The following SYNE2 variants were observed in gnomAD, a reference collection of about 807,000 sequenced individuals.
SYNE2 encodes the protein spectrin repeat containing nuclear envelope protein 2.
Under a neutral mutation model 856.3 loss-of-function variants are expected in SYNE2, and 431 were observed. The observed-to-expected ratio is 0.50, with a 90% confidence interval of 0.47 to 0.55. The LOEUF (loss-of-function observed/expected upper bound fraction) is 0.55, where lower values mean the gene tolerates loss of function less well. Ranked by LOEUF, SYNE2 falls within the 20% of genes least tolerant of loss-of-function variation. The pLI is 0.00. For synonymous variants in SYNE2, 2,923 were observed against 2,872.3 expected, an observed-to-expected ratio of 1.02 and a Z score of -0.56; for missense variants, 8,129 against 8,023.2, an observed-to-expected ratio of 1.01 and a Z score of -0.50.
At chr14:63,979,054 C>T in intron 14 of SYNE2, 40 bp downstream of exon 14, 1 of 1,600,914 alleles carries the variant, frequency 6.2e-7, no homozygotes, top group African/African-American at 1.3e-5. Context: ...ACTCCTCCAT[C>T]TCTGGGTGCT....
At chr14:64,142,838 T>A (rs976994760) in intron 82 of SYNE2, among the ~76,000 whole-genome samples, 1 of 152,212 alleles carries the variant, frequency 6.6e-6, no homozygotes, top group Non-Finnish European at 1.5e-5. Flanking sequence ...CTCTGTGATA[T>A]TTAATTTCAA....
intron 64 of SYNE2, among the ~76,000 whole-genome samples, chr14:64,107,072 C>G (rs1302431244): frequency 6.6e-6 from 1 of 152,106 alleles, no homozygotes; most frequent in Non-Finnish European, 1.5e-5. Context: ...TCAGGCTGGT[C>G]TCAAACTCCT....
intron 2 of SYNE2, among the ~76,000 whole-genome samples, chr14:63,921,202 G>A (rs2095597026): frequency 6.6e-6 from 1 of 152,028 alleles, no homozygotes; most frequent in African/African-American, 2.4e-5. Flanking sequence ...AAAAAGTGCA[G>A]GAGAACAACT....
In SYNE2 at chr14:64,076,025, G is replaced by A. The variant is rs772140514; in HGVS notation, c.10947G>A (p.Met3649Ile). 132 of 1,613,790 alleles carry A rather than the reference G, an allele frequency of 8.2e-5. No individual in the cohort carries two copies. Among genetic ancestry groups the A allele is most frequent in the Non-Finnish European group, 1.1e-4 (125 of 1,179,864 alleles). ...MEKLRIKYSE[M>I]YTIVPAEIES... Reference sequence around the variant, plus strand: ...AACTGCGAATCAAGTATTCCGAAATGTACACCATAGTCCCTGCAGAGATTG... The same window carrying A: ...AACTGCGAATCAAGTATTCCGAAATATACACCATAGTCCCTGCAGAGATTG... The change falls in exon 54 of 116, where the codon ATG becomes ATA. Residue 3649 changes from methionine to isoleucine, a missense_variant. Met to Ile is a conservative substitution (Grantham distance 10). Around this residue, in one of 3 missense-constraint regions of SYNE2, gnomAD observed 5,410 missense variants for 5,284.8 expected, o/e 1.02. Coordinates refer to ENST00000555002, the MANE Select transcript of SYNE2 (RefSeq NM_182914.3).
chr14:63,811,975 G>T (rs1888629924), intron 1 of SYNE2, among the ~76,000 whole-genome samples: 1 of 152,158 alleles, frequency 6.6e-6, no homozygotes, highest in Non-Finnish European at 1.5e-5. Context: ...CCTGATAAGG[G>T]TCTATGTTCA....
chr14:63,941,911 C>T lies in SYNE2; in HGVS notation c.264C>T (p.Phe88=), dbSNP rs769078644. The T allele has an allele frequency of 1.2e-6, 2 of 1,613,076 alleles. No homozygotes were observed. Among genetic ancestry groups the T allele is most frequent in the African/African-American group, 2.7e-5 (2 of 74,876 alleles). The change falls in exon 5 of 116, where the codon TTC becomes TTT. Residue 88 remains phenylalanine, a synonymous_variant. Transcript: ENST00000555002. The part of the protein sequence containing the change: ...QLPRDKGSNT[F]QCRINIEHAL... ...CTCGGGATAAAGGATCTAATACCTT[C>T]CAGTGTAGAATCAATATAGAACATG...
intron 37 of SYNE2, 30 bp from the exon 38 acceptor site, chr14:64,022,721 A>G (rs1314668608): frequency 8.6e-7 from 1 of 1,163,544 alleles, no homozygotes; most frequent in Non-Finnish European, 1.3e-6. Flanking sequence ...TCTTCCTTGA[A>G]TGAATAGAGC....
chr14:63,908,501 G>A (rs2095435285), intron 1 of SYNE2, among the ~76,000 whole-genome samples: 1 of 152,162 alleles, frequency 6.6e-6, no homozygotes, highest in Admixed American at 6.6e-5. Context: ...TAAGAATCAA[G>A]GTGGGGCGAG....
At chr14:64,130,909 G>T (rs532272544) in intron 76 of SYNE2, among the ~76,000 whole-genome samples, 24 of 151,356 alleles carry the variant, frequency 1.6e-4, no homozygotes, top group Admixed American at 1.6e-3. Flanking sequence ...AGAAGAAAAG[G>T]CTTTCCTGAG....
intron 54 of SYNE2, among the ~76,000 whole-genome samples, chr14:64,076,740 AT>A (rs35509549): frequency 0.66 from 80,262 of 121,972 alleles, 25,616 homozygotes; most frequent in East Asian, 0.77. Context: ...CCACAGAAGG[AT>A]TTTTTTTTTT....
chr14:63,784,208 T>C (rs754003615), intron 1 of SYNE2, among the ~76,000 whole-genome samples: 10 of 152,096 alleles, frequency 6.6e-5, no homozygotes, highest in Non-Finnish European at 1.2e-4. Context: ...TTGTAATTTT[T>C]TGGGCCAGGT....
chr14:63,873,380 T>G (rs1470312926), intron 1 of SYNE2: 1 of 152,090 alleles, frequency 6.6e-6, no homozygotes, highest in Non-Finnish European at 1.5e-5. Flanking sequence ...CTCTAAAGTG[T>G]GAGTACTTAC....
chr14:64,208,781 A>G lies in SYNE2; in HGVS notation c.18225A>G (p.Gln6075=), dbSNP rs772353005. 8.7e-6 allele frequency: 14 copies of G among 1,614,112 alleles called. No homozygotes were observed. Among genetic ancestry groups the G allele is most frequent in the Non-Finnish European group, 1.1e-5 (13 of 1,180,048 alleles). The change falls in exon 101 of 116, where the codon CAA becomes CAG. Residue 6075 remains glutamine, a synonymous_variant. Coordinates refer to ENST00000555002, the MANE Select transcript of SYNE2 (RefSeq NM_182914.3). ...EQQDLQRDIE[Q]HSAGVESVFN... ...AGGATCTACAGCGAGATATTGAACA[A>G]CACAGCGCAGGGGTGGAGTCCGTGT...
rs1286397070 is a variant in SYNE2 at position 64,177,491 on chromosome 14, A to G, written c.17556+8A>G. On this transcript the variant is annotated splice_region_variant and intron_variant, in intron 96 of 115. Transcript: ENST00000555002. ...GAAAAAGAGCTGATTAAGGTATTGA[A>G]ATCCAAACAAGTGGCCAAGATAATC... 1 of 1,614,166 alleles carries G rather than the reference A, an allele frequency of 6.2e-7. No individual in the cohort carries two copies. The highest frequency in any genetic ancestry group is 8.5e-7 in the Non-Finnish European group (1 of 1,180,012).
At chr14:64,172,375 C>T (rs1439624088) in intron 94 of SYNE2, among the ~76,000 whole-genome samples, 1 of 152,124 alleles carries the variant, frequency 6.6e-6, no homozygotes, top group East Asian at 1.9e-4. Flanking sequence ...ACTCACATGA[C>T]TGATGCTTAG....
In SYNE2 at chr14:64,075,970, G is replaced by T. The variant is rs2097455384; in HGVS notation, c.10892G>T (p.Gly3631Val). ...FEELQSILKK[G>V]KLTFENIMEK... ...GAGCTTCAAAGCATCCTTAAGAAAG[G>T]GAAACTAACTTTTGAGAATATTATG... is the stretch of plus-strand genomic sequence containing the variant. The change falls in exon 54 of 116, where the codon GGG (glycine) becomes GTG (valine). Residue 3631 changes from glycine to valine, a missense_variant. Coordinates refer to ENST00000555002, the MANE Select transcript of SYNE2 (RefSeq NM_182914.3). 1 of 1,613,646 alleles carries T rather than the reference G, an allele frequency of 6.2e-7. No individual in the cohort carries two copies. Among genetic ancestry groups the T allele is most frequent in the African/African-American group, 1.3e-5 (1 of 74,868 alleles).
intron 95 of SYNE2, 36 bp downstream of exon 95, chr14:64,175,174 C>T: frequency 6.2e-7 from 1 of 1,606,822 alleles, no homozygotes; most frequent in Non-Finnish European, 8.5e-7. Flanking sequence ...TCATGATATT[C>T]AAATTCAGTA....
At chr14:64,209,033 T>G in intron 101 of SYNE2, 88 bp downstream of exon 101, 1 of 1,481,862 alleles carries the variant, frequency 6.7e-7, no homozygotes, top group Non-Finnish European at 9.2e-7. Context: ...ACTATTCTGT[T>G]CATTTCACTT....
chr14:64,062,654 T>A, intron 49 of SYNE2, 97 bp from the exon 50 acceptor site: 1 of 1,209,930 alleles, frequency 8.3e-7, no homozygotes, highest in Non-Finnish European at 1.2e-6. Flanking sequence ...ATATCTTTTC[T>A]TAAAAATTAA....
Sources: allele counts gnomAD v4.1 joint callset (sites outside exome capture counted in the v4.1 genomes callset), GRCh38; gene constraint gnomAD v4.1.1; regional missense constraint gnomAD v4.1.1; transcripts MANE v1.5; gene names NCBI Gene and HGNC (gene_info 2026-07-23, HGNC 2026-07-21).